NTRK1: variants seen among roughly 807,000 people sequenced by gnomAD.
NTRK1 encodes high affinity nerve growth factor receptor.
NTRK1 carries 62 observed loss-of-function variants against 86.8 expected under a neutral mutation model. The observed-to-expected ratio is 0.71, with a 90% confidence interval of 0.58 to 0.88. The LOEUF is 0.88. Ranked by LOEUF, NTRK1 falls within the 40% of genes least tolerant of loss-of-function variation. NTRK1 has a pLI of 0.00. For synonymous variants in NTRK1, 469 were observed against 456.6 expected, an observed-to-expected ratio of 1.03 and a Z score of -0.35; for missense variants, 967 against 1,078.4, an observed-to-expected ratio of 0.90 and a Z score of 1.45.
chr1:156,866,845 C>T, intron 3 of NTRK1, 65 bp from the exon 4 acceptor site: 2 of 1,547,712 alleles, frequency 1.3e-6, no homozygotes, highest in Non-Finnish European at 1.8e-6. Flanking sequence ...TCCCCTCCCT[C>T]ATTCTGGTCA....
In NTRK1 at chr1:156,881,686, G is replaced by T; in HGVS notation, c.*44G>T. 6.4e-7 allele frequency: 1 copy of T among 1,552,102 alleles called. No individual in the cohort carries two copies. On this transcript the variant is annotated 3_prime_UTR_variant, in exon 17 of 17. Coordinates refer to ENST00000524377, the MANE Select transcript of NTRK1 (RefSeq NM_002529.4). The stretch of plus-strand genomic sequence containing the variant: ...GGGAGTGGTTAGCCGGAATACTGGG[G>T]CCTGCCCTCAGCATCCCCCATAGCT...
At chr1:156,864,607 G>A in intron 2 of NTRK1, 121 bp from the exon 3 acceptor site, 1 of 1,193,358 alleles carries the variant, frequency 8.4e-7, no homozygotes, top group Non-Finnish European at 1.2e-6. Context: ...AGGAAACAAT[G>A]AGGGGCCTGA....
At chr1:156,838,996 A>T (rs1654670463) in intron 1 of NTRK1, among the ~76,000 whole-genome samples, 1 of 152,220 alleles carries the variant, frequency 6.6e-6, no homozygotes, top group Non-Finnish European at 1.5e-5. Flanking sequence ...GGCCTCTCAG[A>T]GACCCAGCAA....
intron 1 of NTRK1, among the ~76,000 whole-genome samples, chr1:156,833,022 C>T (rs1270690134): frequency 6.6e-6 from 1 of 152,222 alleles, no homozygotes; most frequent in Admixed American, 6.5e-5. Context: ...ATACAGACAC[C>T]ATCCTGCTCA....
At chr1:156,867,039 G>C in intron 4 of NTRK1, 61 bp downstream of exon 4, 1 of 1,554,294 alleles carries the variant, frequency 6.4e-7, no homozygotes, top group Non-Finnish European at 8.9e-7. Flanking sequence ...TGTGCACTTG[G>C]GTCTGTTGGA....
At chr1:156,864,691 G>A (rs775210439) in intron 2 of NTRK1, 37 bp from the exon 3 acceptor site, 2 of 1,609,480 alleles carry the variant, frequency 1.2e-6, no homozygotes, top group Non-Finnish European at 1.7e-6. Flanking sequence ...CAGAGTAGCT[G>A]AGACCTGGGG....
intron 2 of NTRK1, among the ~76,000 whole-genome samples, chr1:156,850,564 T>G (rs1290936568): frequency 7.4e-6 from 1 of 135,308 alleles, no homozygotes; most frequent in East Asian, 2.1e-4. Flanking sequence ...TTTTTTTTTT[T>G]TGAGATGGAG....
chr1:156,873,968 GC>G lies in NTRK1; in HGVS notation c.1177+11del, dbSNP rs943265794. On this transcript the variant is annotated intron_variant, in intron 8 of 16. Coordinates refer to ENST00000524377, the MANE Select transcript of NTRK1 (RefSeq NM_002529.4). ...CGAGGACCCCATCCCTGGTGCGAGG[GC>G]CATCCTGAACCCTGCCCCCACTCCT... The G allele has an allele frequency of 1.1e-5, 17 of 1,551,636 alleles. No homozygotes were observed. In the African/African-American group the frequency reaches 1.4e-4, roughly 12 times the overall value.
At chr1:156,879,438 C>G (rs2102925730) in intron 15 of NTRK1, 76 bp downstream of exon 15, 1 of 1,529,606 alleles carries the variant, frequency 6.5e-7, no homozygotes, top group South Asian at 1.2e-5. Context: ...CCACTGAGAG[C>G]CTGCCCTTGC....
chr1:156,827,481 C>T (rs568908625), intron 1 of NTRK1, among the ~76,000 whole-genome samples: 9 of 152,220 alleles, frequency 5.9e-5, no homozygotes, highest in Middle Eastern at 3.4e-3. Context: ...AGCCTAGTCT[C>T]GAACTCTTGA....
chr1:156,854,334 T>A lies in NTRK1; in HGVS notation c.51-10020T>A, dbSNP rs1413485128. On this transcript the variant is annotated intron_variant, in intron 2 of 16. Transcript: ENST00000392302. The surrounding 1 kb of genome is among the most constrained non-coding windows in gnomAD (Gnocchi z 4.2). Reference sequence around the variant, plus strand: ...GGCATACACGGCACGCAGCATTGAGTACAGCCCAGGCCAAATTCCCCATCC... The same window carrying A: ...GGCATACACGGCACGCAGCATTGAGAACAGCCCAGGCCAAATTCCCCATCC... 7 of 1,568,838 alleles carry A rather than the reference T, an allele frequency of 4.5e-6. No homozygotes were observed. In the South Asian group the frequency reaches 8.4e-5, roughly 19 times the overall value.
chr1:156,847,585 G>A lies in NTRK1; in HGVS notation c.50+5392G>A, dbSNP rs560435029. On this transcript the variant is annotated intron_variant, in intron 2 of 16. Coordinates refer to the NTRK1 transcript ENST00000392302. ...GACAAAACTTGAGGGAGGTCAAATTGGGTGGCAGTGGGGGAACTTGTGGCC... is the reference window on the plus strand; with the variant it reads ...GACAAAACTTGAGGGAGGTCAAATTAGGTGGCAGTGGGGGAACTTGTGGCC... Among the ~76,000 whole-genome samples, 8 of 152,284 alleles carry A rather than the reference G, an allele frequency of 5.3e-5. 1 individual carries two copies. The South Asian group carries it at 1.7e-3, about 32-fold the overall frequency.
At position 156,881,554 on chromosome 1, in the gene NTRK1, C is replaced by T. The variant is rs756981419; in HGVS notation, c.2303C>T (p.Pro768Leu). 13 of 1,610,028 alleles carry T rather than the reference C, an allele frequency of 8.1e-6. No homozygotes were observed. In the East Asian group the frequency reaches 2.7e-4, roughly 33 times the overall value. ...ATGCGGGGCTGCTGGCAGCGGGAGC[C>T]CCAGCAACGCCACAGCATCAAGGAT... ...AIMRGCWQRE[P>L]QQRHSIKDVH... The change falls in exon 17 of 17, where the codon CCC becomes CTC. Residue 768 changes from proline (P) to leucine (L), a missense_variant. Physicochemically the swap from Pro to Leu is moderately conservative, Grantham distance 98. Around this residue, in one of 2 missense-constraint regions of NTRK1, gnomAD observed 637 missense variants for 776.5 expected, o/e 0.82. Transcript: ENST00000524377.
intron 6 of NTRK1, among the ~76,000 whole-genome samples, 180 bp from the exon 7 acceptor site, chr1:156,871,443 C>G: frequency 6.6e-6 from 1 of 152,148 alleles, no homozygotes; most frequent in East Asian, 1.9e-4. Flanking sequence ...AGTCAACGAA[C>G]AAACCTAAAG....
rs2102909964 is a variant in NTRK1 at position 156,874,578 on chromosome 1, C to A, written c.1203C>A (p.Asn401Lys). 1 of 1,614,176 alleles carries A rather than the reference C, an allele frequency of 6.2e-7. No homozygotes were observed. Among genetic ancestry groups the A allele is most frequent in the Non-Finnish European group, 8.5e-7 (1 of 1,180,008 alleles). Residue 401 changes from asparagine (N) to lysine (K), a missense_variant, in exon 10 of 17, where the codon AAC (asparagine) becomes AAA (lysine). Transcript: ENST00000524377. ...TGCCCTGTGTCCCTACAGACACTAA[C>A]AGCACATCTGGAGACCCGGTGGAGA... Reference protein sequence around the residue: ...IPVSFSPVDTNSTSGDPVEKK... With the variant: ...IPVSFSPVDTKSTSGDPVEKK...
At chr1:156,855,223 A>C (rs1175366517) in intron 2 of NTRK1, among the ~76,000 whole-genome samples, 1 of 26,884 alleles carries the variant, frequency 3.7e-5, no homozygotes, top group Non-Finnish European at 8.8e-5. Context: ...TATTTATTTG[A>C]TATGGAGTCT....
chr1:156,876,670 G>A (rs1459932647), intron 14 of NTRK1, 98 bp downstream of exon 14: 2 of 1,424,934 alleles, frequency 1.4e-6, no homozygotes, highest in African/African-American at 1.4e-5. Context: ...AAACCAAGGG[G>A]AGACACCAAG....
intron 7 of NTRK1, among the ~76,000 whole-genome samples, chr1:156,873,018 A>AGTGTGT (rs55870362): frequency 0.21 from 26,905 of 130,752 alleles, 2,808 homozygotes; most frequent in East Asian, 0.37. Context: ...TTTCAAAAAG[A>AGTGTGT]GTGTGTGTGT....
chr1:156,834,755 A>G (rs561676769), intron 1 of NTRK1, among the ~76,000 whole-genome samples: 163 of 151,582 alleles, frequency 1.1e-3, no homozygotes, highest in Non-Finnish European at 2.0e-3. Flanking sequence ...AACAAAAACT[A>G]TTCTGGGTAG....
Sources: allele counts gnomAD v4.1 joint callset (sites outside exome capture counted in the v4.1 genomes callset), GRCh38; gene constraint gnomAD v4.1.1; regional missense constraint gnomAD v4.1.1; non-coding constraint Gnocchi (gnomAD v3.1); transcripts MANE v1.5; gene names NCBI Gene and HGNC (gene_info 2026-07-23, HGNC 2026-07-21).